The following ANKFN1 variants were observed in gnomAD, a reference collection of about 807,000 sequenced individuals.
ANKFN1 encodes ankyrin repeat and fibronectin type-III domain-containing protein 1.
ANKFN1 carries 74 observed loss-of-function variants against 108.7 expected under a neutral mutation model. The ratio of observed to expected loss-of-function variants is 0.68; its 90% CI spans 0.56 to 0.83. ANKFN1 has a LOEUF of 0.83. ANKFN1 is among the 40% of genes least tolerant of loss of function. The probability of loss-of-function intolerance (pLI) is 0.00; values close to 1 mark genes in which losing one functional copy is unlikely to be tolerated. For missense variants in ANKFN1, 1,505 were observed against 1,382.3 expected (o/e 1.09, Z -1.41); for synonymous variants, 547 against 516.2 (o/e 1.06, Z -0.81).
intron 2 of ANKFN1, among the ~76,000 whole-genome samples, chr17:56,221,475 G>A (rs7222490): frequency 0.29 from 43,912 of 151,948 alleles, 7,268 homozygotes; most frequent in African/African-American, 0.43. Flanking sequence ...ATCAAACAGA[G>A]CCTTATACGA....
intron 4 of ANKFN1, among the ~76,000 whole-genome samples, chr17:56,111,702 C>T (rs1243139063): frequency 1.3e-5 from 2 of 151,952 alleles, no homozygotes; most frequent in Non-Finnish European, 2.9e-5. Context: ...AAATGAAAAT[C>T]GATGGTGTTG....
At position 56,195,521 on chromosome 17, in the gene ANKFN1, T is replaced by C. The variant is rs184652611; in HGVS notation, c.-70-17077T>C. On this transcript the variant is annotated intron_variant, in intron 1 of 20. Coordinates refer to ENST00000682825, the MANE Select transcript of ANKFN1 (RefSeq NM_001370326.1). ...ATCTCTAATTGCCTTATTTCCTCCA[T>C]GTCATTGTCTCTAACCCTGGTGTCA... 30 of 152,344 alleles carry C rather than the reference T, an allele frequency of 2.0e-4. No individual in the cohort carries two copies. In the East Asian group the frequency reaches 5.4e-3, roughly 27 times the overall value. 9.4% of individuals were successfully genotyped at this position (152,344 alleles called of 1,614,324 possible).
intron 1 of ANKFN1, among the ~76,000 whole-genome samples, chr17:56,188,778 G>A (rs149577821): frequency 4.6e-5 from 7 of 151,342 alleles, no homozygotes; most frequent in Non-Finnish European, 1.0e-4. Flanking sequence ...GAATATCCTG[G>A]GTGATAGGAG....
At chr17:56,367,545 C>G (rs1475202752) in intron 6 of ANKFN1, among the ~76,000 whole-genome samples, 1 of 152,136 alleles carries the variant, frequency 6.6e-6, no homozygotes, top group Non-Finnish European at 1.5e-5. Context: ...AATTAAACAC[C>G]ACAATAGCAC....
intron 1 of ANKFN1, among the ~76,000 whole-genome samples, chr17:56,173,000 C>T (rs887155751): frequency 2.6e-5 from 4 of 152,222 alleles, no homozygotes; most frequent in Non-Finnish European, 4.4e-5. Flanking sequence ...TCCTAGAGGG[C>T]AGGCTGAGAG....
chr17:56,050,752 A>G (rs1904760925), intron 4 of ANKFN1, among the ~76,000 whole-genome samples: 1 of 152,122 alleles, frequency 6.6e-6, no homozygotes, highest in African/African-American at 2.4e-5. Flanking sequence ...ATTGATCTAT[A>G]TCTCTGTTTT....
At chr17:56,269,535 C>G (rs17820003) in intron 3 of ANKFN1, among the ~76,000 whole-genome samples, 13,142 of 152,246 alleles carry the variant, frequency 0.086, 703 homozygotes, top group East Asian at 0.19. Context: ...CCTCTCTCAA[C>G]TACATGAGGC....
At chr17:56,084,011 A>G (rs1905278547) in intron 4 of ANKFN1, among the ~76,000 whole-genome samples, 1 of 151,268 alleles carries the variant, frequency 6.6e-6, no homozygotes, top group African/African-American at 2.4e-5. Context: ...TGACCTAGAG[A>G]GCCTGTACTC....
At chr17:56,094,303 C>T (rs1905474499) in intron 4 of ANKFN1, among the ~76,000 whole-genome samples, 1 of 150,890 alleles carries the variant, frequency 6.6e-6, no homozygotes, top group African/African-American at 2.4e-5. Context: ...CAAATTTTCT[C>T]ATAAGCCCTA....
intron 1 of ANKFN1, among the ~76,000 whole-genome samples, chr17:56,168,334 T>C (rs1463466445): frequency 6.6e-6 from 1 of 151,282 alleles, no homozygotes; most frequent in Non-Finnish European, 1.5e-5. Context: ...GAGAATGAAA[T>C]GTAATAACCT....
chr17:56,308,537 G>T (rs8064674), intron 3 of ANKFN1, among the ~76,000 whole-genome samples: 28,913 of 151,772 alleles, frequency 0.19, 3,606 homozygotes, highest in African/African-American at 0.37. Context: ...TTTTTCTAGT[G>T]AGCATTTCAA....
intron 3 of ANKFN1, among the ~76,000 whole-genome samples, chr17:56,263,164 A>G (rs1048784538): frequency 6.6e-6 from 1 of 152,230 alleles, no homozygotes; most frequent in Non-Finnish European, 1.5e-5. Flanking sequence ...CATAAGATCG[A>G]TTGGCCATCC....
rs192629418 is a variant in ANKFN1 at position 56,211,342 on chromosome 17, C to T, written c.-70-1256C>T. Reference sequence around the variant, plus strand: ...ATGTGGCTTGCCAATTATCCCAGCACCATTTGTTGAATAGGGTATCCTTTC... The same window carrying T: ...ATGTGGCTTGCCAATTATCCCAGCATCATTTGTTGAATAGGGTATCCTTTC... On this transcript the variant is annotated intron_variant, in intron 1 of 20. Transcript: ENST00000682825. 3.3e-5 allele frequency among the ~76,000 whole-genome samples: 5 copies of T among 152,164 alleles called. No homozygotes were observed. The South Asian group carries it at 1.0e-3, about 32-fold the overall frequency.
At chr17:56,301,580 A>G (rs904981502) in intron 3 of ANKFN1, among the ~76,000 whole-genome samples, 3 of 152,186 alleles carry the variant, frequency 2.0e-5, no homozygotes, top group Non-Finnish European at 2.9e-5. Context: ...CAAATAAGAG[A>G]TCCAATCAAA....
chr17:56,421,738 T>G (rs2048411258), intron 8 of ANKFN1, among the ~76,000 whole-genome samples: 1 of 152,160 alleles, frequency 6.6e-6, no homozygotes, highest in African/African-American at 2.4e-5. Context: ...GTCAAGGATT[T>G]TTCATATCAT....
intron 4 of ANKFN1, among the ~76,000 whole-genome samples, chr17:56,134,888 AT>A (rs553856034): frequency 9.9e-5 from 15 of 152,086 alleles, no homozygotes; most frequent in Middle Eastern, 3.4e-3. Context: ...TGGTTTTATT[AT>A]TTTTTTCTTC....
rs186128311 is a variant in ANKFN1, at chr17:56,227,446, A to G, written c.13-471A>G. 2.5e-3 allele frequency among the ~76,000 whole-genome samples: 384 copies of G among 152,276 alleles called. 2 individuals carry two copies. Among genetic ancestry groups the G allele is most frequent in the African/African-American group, 8.8e-3 (365 of 41,570 alleles). ...AAAAGAAAACTGTCCATTTATCCTA[A>G]TAAGTATGAGTTGAGAAAACCATAA... On this transcript the variant is annotated intron_variant, in intron 2 of 20. Transcript: ENST00000682825.
intron 20 of ANKFN1, among the ~76,000 whole-genome samples, chr17:56,506,531 C>T (rs1425453165): frequency 6.6e-6 from 1 of 151,896 alleles, no homozygotes; most frequent in African/African-American, 2.4e-5. Context: ...GGAGTGTGGC[C>T]TTGCTGACAC....
upstream of ANKFN1, among the ~76,000 whole-genome samples, chr17:56,150,939 G>A (rs960470368): frequency 7.2e-5 from 11 of 152,166 alleles, no homozygotes; most frequent in African/African-American, 2.4e-4. Flanking sequence ...TTGGGACACC[G>A]GGGAAGTGAA....
Sources: allele counts gnomAD v4.1 joint callset (sites outside exome capture counted in the v4.1 genomes callset), GRCh38; gene constraint gnomAD v4.1.1; transcripts MANE v1.5; gene names NCBI Gene and HGNC (gene_info 2026-07-23, HGNC 2026-07-21).